The following ADAMTS6 variants were observed in gnomAD, a reference collection of about 807,000 sequenced individuals.
The protein encoded by ADAMTS6 is A disintegrin and metalloproteinase with thrombospondin motifs 6.
Under a neutral mutation model 144.3 loss-of-function variants are expected in ADAMTS6, and 23 were observed. The observed-to-expected ratio is 0.16, with a 90% confidence interval of 0.11 to 0.23. The LOEUF (loss-of-function observed/expected upper bound fraction) is 0.23. Ranked by LOEUF, ADAMTS6 falls within the 10% of genes least tolerant of loss-of-function variation. The probability of loss-of-function intolerance (pLI) is 1.00; values close to 1 mark genes in which losing one functional copy is unlikely to be tolerated. For synonymous variants in ADAMTS6, 444 were observed against 457.5 expected, an observed-to-expected ratio of 0.97 and a Z score of 0.38; for missense variants, 999 against 1,379.6, an observed-to-expected ratio of 0.72 and a Z score of 4.37.
intron 21 of ADAMTS6, among the ~76,000 whole-genome samples, chr5:65,193,499 T>C (rs1755138163): frequency 6.6e-6 from 1 of 152,058 alleles, no homozygotes; most frequent in African/African-American, 2.4e-5. Context: ...AGCAGTCCCA[T>C]ATATGCAAAA....
At chr5:65,358,810 A>C (rs2150101112) in intron 7 of ADAMTS6, among the ~76,000 whole-genome samples, 1 of 152,278 alleles carries the variant, frequency 6.6e-6, no homozygotes, top group East Asian at 1.9e-4. Context: ...GTGCTGGAAA[A>C]GTGGACAGCC....
chr5:65,193,619 G>C (rs1223278094), intron 21 of ADAMTS6, among the ~76,000 whole-genome samples: 1 of 152,056 alleles, frequency 6.6e-6, no homozygotes, highest in East Asian at 1.9e-4. Context: ...CATTCTCATA[G>C]ACTGTTAATC....
chr5:65,425,512 C>T (rs945791963), intron 7 of ADAMTS6, among the ~76,000 whole-genome samples: 2 of 152,158 alleles, frequency 1.3e-5, no homozygotes, highest in Non-Finnish European at 2.9e-5. Context: ...TTTTTGACTA[C>T]TCCCTCTTGG....
chr5:65,387,574 G>T (rs1752579326), intron 7 of ADAMTS6, among the ~76,000 whole-genome samples: 1 of 152,206 alleles, frequency 6.6e-6, no homozygotes. Flanking sequence ...TGGATTGCAT[G>T]AATGAGTTTC....
At chr5:65,470,006 G>A (rs752217280) in intron 3 of ADAMTS6, among the ~76,000 whole-genome samples, 1 of 152,182 alleles carries the variant, frequency 6.6e-6, no homozygotes, top group Non-Finnish European at 1.5e-5. Context: ...TTTGAACTGT[G>A]TATTTACCAT....
chr5:65,296,449 T>A lies in ADAMTS6; in HGVS notation c.1370+3536A>T, dbSNP rs1742846096. Among the ~76,000 whole-genome samples the A allele has an allele frequency of 2.0e-5, 3 of 152,314 alleles. No individual in the cohort carries two copies. In the South Asian group the frequency reaches 6.2e-4, roughly 32 times the overall value. On this transcript the variant is annotated intron_variant, in intron 10 of 24. Coordinates refer to ENST00000381055, the MANE Select transcript of ADAMTS6 (RefSeq NM_197941.4). ...AATGGTTTACCCTTTTCCCCCTATA[T>A]GTAATTATGACTTATCAAAGTTATT...
chr5:65,278,795 AT>A (rs1191646131), intron 11 of ADAMTS6, among the ~76,000 whole-genome samples: 1 of 152,094 alleles, frequency 6.6e-6, no homozygotes, highest in Non-Finnish European at 1.5e-5. Flanking sequence ...TTGTATTCTC[AT>A]TTTTTAATGA....
intron 18 of ADAMTS6, among the ~76,000 whole-genome samples, chr5:65,223,489 C>A (rs1312912126): frequency 6.6e-6 from 1 of 152,162 alleles, no homozygotes; most frequent in Non-Finnish European, 1.5e-5. Flanking sequence ...CTCCTCCCTG[C>A]CCCCTGGTAA....
At chr5:65,477,658 GC>G (rs1760932011) in intron 1 of ADAMTS6, among the ~76,000 whole-genome samples, 1 of 152,152 alleles carries the variant, frequency 6.6e-6, no homozygotes, top group Non-Finnish European at 1.5e-5. Context: ...AAAAGCAGGA[GC>G]TTTGAAGTTA....
chr5:65,174,325 A>G (rs1753823794), intron 22 of ADAMTS6, among the ~76,000 whole-genome samples: 1 of 152,138 alleles, frequency 6.6e-6, no homozygotes, highest in African/African-American at 2.4e-5. Context: ...GAGGTGATTA[A>G]CAGACAGTCG....
At chr5:65,335,678 C>A (rs1417114918) in intron 7 of ADAMTS6, among the ~76,000 whole-genome samples, 1 of 151,926 alleles carries the variant, frequency 6.6e-6, no homozygotes, top group Non-Finnish European at 1.5e-5. Flanking sequence ...AAATAAGTTA[C>A]TTTTGGTCTA....
chr5:65,153,930 G>A (rs976613800), intron 24 of ADAMTS6, among the ~76,000 whole-genome samples: 6 of 152,138 alleles, frequency 3.9e-5, no homozygotes, highest in Admixed American at 1.3e-4. Flanking sequence ...ATAGTTGGCC[G>A]GGCACAGTGG....
chr5:65,243,192 A>G (rs902389986), intron 14 of ADAMTS6, among the ~76,000 whole-genome samples: 2 of 152,152 alleles, frequency 1.3e-5, no homozygotes, highest in South Asian at 4.1e-4. Flanking sequence ...ATATGTCACT[A>G]GAGAAAATTC....
intron 16 of ADAMTS6, among the ~76,000 whole-genome samples, chr5:65,225,510 TAC>T (rs1018213753): frequency 5.9e-5 from 9 of 152,342 alleles, no homozygotes; most frequent in African/African-American, 2.2e-4. Flanking sequence ...CTTATTATGT[TAC>T]AATCATACAC....
chr5:65,274,479 TTTTAACTCCCAAAACA>T (rs925082320), intron 11 of ADAMTS6, among the ~76,000 whole-genome samples: 59 of 152,250 alleles, frequency 3.9e-4, no homozygotes, highest in African/African-American at 1.3e-3. Flanking sequence ...TCAACTGATC[TTTTAACTCCCAAAACA>T]TAAGAACTCA....
intron 1 of ADAMTS6, among the ~76,000 whole-genome samples, chr5:65,480,585 G>A (rs1051392483): frequency 6.6e-6 from 1 of 152,020 alleles, no homozygotes; most frequent in African/African-American, 2.4e-5. Flanking sequence ...TCTAGTACAG[G>A]GAAAGAAAGC....
chr5:65,309,592 A>ACG (rs1491354923), intron 9 of ADAMTS6, among the ~76,000 whole-genome samples: 1 of 62,868 alleles, frequency 1.6e-5, no homozygotes, highest in Admixed American at 1.3e-4. Flanking sequence ...CTGTTATAAT[A>ACG]CACACACACA....
intron 22 of ADAMTS6, among the ~76,000 whole-genome samples, chr5:65,178,798 T>A (rs1322516201): frequency 1.3e-5 from 2 of 152,206 alleles, no homozygotes; most frequent in African/African-American, 2.4e-5. Context: ...AATGCCAGAT[T>A]AACCAAGTAC....
At chr5:65,255,817 AT>A (rs1391820992) in intron 14 of ADAMTS6, among the ~76,000 whole-genome samples, 6 of 152,134 alleles carry the variant, frequency 3.9e-5, no homozygotes, top group Admixed American at 3.9e-4. Flanking sequence ...ATGACCAAAA[AT>A]GGAAGTCTCT....
Sources: allele counts gnomAD v4.1 joint callset (sites outside exome capture counted in the v4.1 genomes callset), GRCh38; gene constraint gnomAD v4.1.1; transcripts MANE v1.5; gene names NCBI Gene and HGNC (gene_info 2026-07-23, HGNC 2026-07-21).